The following CALCRL variants were observed in gnomAD, a reference collection of about 807,000 sequenced individuals.
CALCRL encodes the protein calcitonin receptor like receptor.
CALCRL carries 27 observed loss-of-function variants against 60.4 expected under a neutral mutation model. The ratio of observed to expected loss-of-function variants is 0.45; its 90% CI spans 0.33 to 0.62. The LOEUF is 0.62. Ranked by LOEUF, CALCRL falls within the 20% of genes least tolerant of loss-of-function variation. The probability of loss-of-function intolerance (pLI) is 0.03; values close to 1 mark genes in which losing one functional copy is unlikely to be tolerated. For synonymous variants in CALCRL, 190 were observed against 182.6 expected (o/e 1.04, Z -0.33); for missense variants, 424 against 540.7 (o/e 0.78, Z 2.14).
chr2:187,384,651 G>A (rs1688134592), intron 4 of CALCRL, among the ~76,000 whole-genome samples: 1 of 152,128 alleles, frequency 6.6e-6, no homozygotes, highest in South Asian at 2.1e-4. Context: ...TACAAATGCG[G>A]ACAGGAATGT....
rs201275836 is a variant in CALCRL at position 187,346,328 on chromosome 2, T to G, written c.1242A>C (p.Glu414Asp). Residue 414 changes from glutamate (E) to aspartate (D), a missense_variant, in exon 15 of 15, where the codon GAA becomes GAC. Physicochemically the swap from Glu to Asp is conservative, Grantham distance 45 (BLOSUM62 2). Transcript: ENST00000392370. Reference sequence around the variant, plus strand: ...CTGTGTAAGACGCACTACGAAGAGCTTCTGAGTTGGAAAAGCTGTTTCCAA... The same window carrying G: ...CTGTGTAAGACGCACTACGAAGAGCGTCTGAGTTGGAAAAGCTGTTTCCAA... ...IQFGNSFSNSEALRSASYTVS... is the reference protein window; with the variant it reads ...IQFGNSFSNSDALRSASYTVS... 10 of 1,612,544 alleles carry G rather than the reference T, an allele frequency of 6.2e-6. No individual in the cohort carries two copies. The highest frequency in any genetic ancestry group is 5.0e-5 in the Admixed American group (3 of 59,766).
At chr2:187,440,836 C>G (rs1332469534) in intron 1 of CALCRL, among the ~76,000 whole-genome samples, 1 of 151,890 alleles carries the variant, frequency 6.6e-6, no homozygotes, top group Non-Finnish European at 1.5e-5. Flanking sequence ...ACAGGAAATC[C>G]TTTTGGAAAG....
intron 1 of CALCRL, among the ~76,000 whole-genome samples, chr2:187,394,057 T>C (rs542489974): frequency 3.9e-5 from 6 of 152,108 alleles, no homozygotes; most frequent in African/African-American, 1.4e-4. Flanking sequence ...AAATAATAAA[T>C]TGAGCTCTTA....
rs1220692972 is a variant in CALCRL at position 187,352,149 on chromosome 2, A to G, written c.1093T>C (p.Tyr365His). The G allele has an allele frequency of 6.2e-7, 1 of 1,612,390 alleles. No homozygotes were observed. Among genetic ancestry groups the G allele is most frequent in the East Asian group, 2.2e-5 (1 of 44,824 alleles). Residue 365 changes from tyrosine to histidine, a missense_variant, in exon 13 of 15, where the codon TAT (tyrosine) becomes CAT (histidine). By Grantham distance (83) the Tyr-to-His change is moderately conservative. Transcript: ENST00000392370. ...RPEGKIAEEV[Y>H]DYIMHILMHF... ...ATAAGGATGTGCATGATGTAGTCAT[A>G]TACCTCCTCTGCAATCTTTCCTTCA...
intron 1 of CALCRL, among the ~76,000 whole-genome samples, chr2:187,413,378 T>C (rs1396450097): frequency 6.6e-6 from 1 of 152,192 alleles, no homozygotes; most frequent in African/African-American, 2.4e-5. Flanking sequence ...AGCTGTTATA[T>C]TTTAAACCTT....
chr2:187,411,193 G>C (rs1015541813), intron 1 of CALCRL, among the ~76,000 whole-genome samples: 1 of 152,176 alleles, frequency 6.6e-6, no homozygotes, highest in East Asian at 1.9e-4. Context: ...GGAGAAAAAA[G>C]ACAGTTGAGG....
chr2:187,418,369 C>T (rs1187544511), intron 1 of CALCRL, among the ~76,000 whole-genome samples: 1 of 152,082 alleles, frequency 6.6e-6, no homozygotes, highest in Non-Finnish European at 1.5e-5. Context: ...TAAAATTTAA[C>T]CTGTTTTTAC....
chr2:187,407,115 T>A (rs1245387009), intron 1 of CALCRL, among the ~76,000 whole-genome samples: 1 of 152,024 alleles, frequency 6.6e-6, no homozygotes, highest in Non-Finnish European at 1.5e-5. Context: ...TTTGTTTTCT[T>A]TTTTATCTTC....
intron 1 of CALCRL, among the ~76,000 whole-genome samples, chr2:187,404,926 A>G (rs1339302085): frequency 6.6e-6 from 1 of 151,942 alleles, no homozygotes; most frequent in Non-Finnish European, 1.5e-5. Flanking sequence ...AGGAAGCGAG[A>G]CACAGGGCAG....
At chr2:187,437,290 C>T (rs1240999918) in intron 1 of CALCRL, among the ~76,000 whole-genome samples, 2 of 151,638 alleles carry the variant, frequency 1.3e-5, no homozygotes, top group Non-Finnish European at 2.9e-5. Context: ...CGCCTGTAAT[C>T]GCAGCACTTT....
At chr2:187,426,239 A>T (rs1315380227) in intron 1 of CALCRL, among the ~76,000 whole-genome samples, 7 of 127,426 alleles carry the variant, frequency 5.5e-5, no homozygotes, top group South Asian at 5.7e-4. Context: ...TCTGTCATTT[A>T]TTATTTTTTT....
At chr2:187,410,919 C>G (rs1479118685) in intron 1 of CALCRL, among the ~76,000 whole-genome samples, 2 of 151,818 alleles carry the variant, frequency 1.3e-5, no homozygotes, top group Non-Finnish European at 2.9e-5. Context: ...GGTGGGGCCA[C>G]AGGATTTAAT....
At chr2:187,419,175 T>TA (rs1017737436) in intron 1 of CALCRL, among the ~76,000 whole-genome samples, 6 of 151,844 alleles carry the variant, frequency 4.0e-5, no homozygotes, top group African/African-American at 1.5e-4. Context: ...GCCCTGCTGA[T>TA]ACTATGGACT....
At chr2:187,382,299 C>T (rs1688015045) in intron 5 of CALCRL, among the ~76,000 whole-genome samples, 1 of 152,042 alleles carries the variant, frequency 6.6e-6, no homozygotes, top group Non-Finnish European at 1.5e-5. Context: ...TTTAAAATTA[C>T]AAAGTACATT....
At chr2:187,436,820 T>C (rs1690664285) in intron 1 of CALCRL, among the ~76,000 whole-genome samples, 1 of 152,338 alleles carries the variant, frequency 6.6e-6, no homozygotes, top group East Asian at 1.9e-4. Context: ...TGGACTAATT[T>C]GTCTTCTTTT....
intron 12 of CALCRL, among the ~76,000 whole-genome samples, chr2:187,358,286 T>C (rs1054171802): frequency 6.6e-6 from 1 of 151,944 alleles, no homozygotes; most frequent in South Asian, 2.1e-4. Context: ...AACCCAGGAG[T>C]TGGGGGCTGC....
chr2:187,431,734 G>A (rs2105893945), intron 1 of CALCRL, among the ~76,000 whole-genome samples: 1 of 148,994 alleles, frequency 6.7e-6, no homozygotes, highest in African/African-American at 2.5e-5. Flanking sequence ...GGTAGTCCCT[G>A]CTCTCATGGA....
chr2:187,410,702 C>T (rs1302042580), intron 1 of CALCRL, among the ~76,000 whole-genome samples: 1 of 152,116 alleles, frequency 6.6e-6, no homozygotes, highest in East Asian at 1.9e-4. Flanking sequence ...ATCAGTTCCA[C>T]AGCCCACAGG....
At chr2:187,398,939 G>C (rs1176246699) in intron 1 of CALCRL, among the ~76,000 whole-genome samples, 1 of 151,584 alleles carries the variant, frequency 6.6e-6, no homozygotes, top group Non-Finnish European at 1.5e-5. Context: ...TACAATTCTA[G>C]AAATCCTCAC....
Sources: gnomAD v4.1 joint callset for allele counts (sites outside exome capture counted in the v4.1 genomes callset) on GRCh38, gnomAD v4.1.1 for gene constraint, MANE v1.5 for transcripts, NCBI Gene and HGNC (gene_info 2026-07-23, HGNC 2026-07-21) for gene names.